PMM2: variants seen among roughly 807,000 people sequenced by gnomAD.
PMM2 encodes mannose-6-phosphate isomerase.
A neutral mutation model predicts 33.2 loss-of-function variants in PMM2; 35 were observed. That is an observed-to-expected ratio of 1.06 (90% CI 0.81 to 1.40). The LOEUF is 1.40. Ranked by LOEUF, PMM2 falls within the 40% of genes most tolerant of loss-of-function variation. PMM2 has a pLI of 0.00. For synonymous variants in PMM2, 153 were observed against 114.7 expected (o/e 1.33, Z -2.13); for missense variants, 386 against 306.0 (o/e 1.26, Z -1.95).
At chr16:8,807,487 G>GT (rs71152998) in intron 4 of PMM2, 130,591 of 152,128 alleles carry the variant, frequency 0.86, 57,032 homozygotes, top group East Asian at 0.97. Context: ...CTTTCTTTTT[G>GT]TTTTTTGTTT....
At chr16:8,826,280 G>C (rs1481184068) in intron 7 of PMM2, among the ~76,000 whole-genome samples, 1 of 151,962 alleles carries the variant, frequency 6.6e-6, no homozygotes, top group African/African-American at 2.4e-5. Context: ...CTCTAAATTA[G>C]AGAAGATTTT....
chr16:8,802,556 C>T (rs1238169476), intron 2 of PMM2, among the ~76,000 whole-genome samples: 2 of 152,138 alleles, frequency 1.3e-5, no homozygotes, highest in African/African-American at 2.4e-5. Context: ...ATGCCAGGCG[C>T]GGTGGCTCAC....
chr16:8,804,253 C>G (rs1220557847), intron 2 of PMM2, among the ~76,000 whole-genome samples: 1 of 151,636 alleles, frequency 6.6e-6, no homozygotes, highest in East Asian at 1.9e-4. Context: ...GTTGGCCAGG[C>G]TGGTCTGGAA....
At chr16:8,836,195 G>A (rs2060845413) in intron 7 of PMM2, among the ~76,000 whole-genome samples, 1 of 151,940 alleles carries the variant, frequency 6.6e-6, no homozygotes, top group Admixed American at 6.6e-5. Flanking sequence ...AGAAGGGGAT[G>A]GACTTACCCT....
At chr16:8,822,580 C>G (rs956499693) in intron 7 of PMM2, among the ~76,000 whole-genome samples, 1 of 152,176 alleles carries the variant, frequency 6.6e-6, no homozygotes, top group Non-Finnish European at 1.5e-5. Flanking sequence ...ATTTAGGTCA[C>G]CATCATAATT....
intron 7 of PMM2, among the ~76,000 whole-genome samples, chr16:8,830,834 C>T (rs1453352913): frequency 6.6e-6 from 1 of 152,322 alleles, no homozygotes; most frequent in Non-Finnish European, 1.5e-5. Context: ...AGCTGTTATC[C>T]TTTGTTTCAA....
chr16:8,817,003 C>G (rs2060711923), intron 7 of PMM2, among the ~76,000 whole-genome samples: 2 of 152,154 alleles, frequency 1.3e-5, no homozygotes, highest in African/African-American at 4.8e-5. Context: ...AGGCTGTACT[C>G]CAACTCCTGA....
At chr16:8,838,594 T>C (rs940694310) in intron 7 of PMM2, among the ~76,000 whole-genome samples, 9 of 151,684 alleles carry the variant, frequency 5.9e-5, no homozygotes, top group African/African-American at 1.7e-4. Flanking sequence ...AGGGGTGATA[T>C]TGTGGGGATG....
intron 7 of PMM2, among the ~76,000 whole-genome samples, chr16:8,828,181 A>G (rs4985045): frequency 0.9 from 135,264 of 150,936 alleles, 60,978 homozygotes; most frequent in East Asian, 0.97. Context: ...ACTTAACTAC[A>G]GAAGTATAAG....
At position 8,847,777 on chromosome 16, in the gene PMM2, GA is replaced by G. The variant is rs2060937540; in HGVS notation, c.694del (p.Thr232GlnfsTer101). On this transcript the variant is annotated frameshift_variant, in exon 8 of 8. Coordinates refer to ENST00000268261, the MANE Select transcript of PMM2 (RefSeq NM_000303.3). LOFTEE classifies it high-confidence loss of function. ...ACCCCAGAACCATGGGCTACTCCGTGACAGCGCCTGAGGACACGCGCAGGAT... is the reference window on the plus strand; with the variant it reads ...ACCCCAGAACCATGGGCTACTCCGTGCAGCGCCTGAGGACACGCGCAGGAT... ...TDPRTMGYSV[T>X]APEDTRRICE... is the part of the protein sequence containing the mutation. The G allele has an allele frequency of 6.2e-7, 1 of 1,613,964 alleles. No individual in the cohort carries two copies. Among genetic ancestry groups the G allele is most frequent in the African/African-American group, 1.3e-5 (1 of 74,936 alleles).
Position 8,813,125 on chromosome 16 carries a change from G to A in PMM2, c.639+19G>A, listed in dbSNP as rs145473288. On this transcript the variant is annotated intron_variant, in intron 7 of 7. Transcript: ENST00000268261. ...TATGCCAGTAAGTAGAGAAGTGTTT[G>A]TGCACCTTCATTGTTGCATTTGCGC... 2.1e-6 allele frequency: 3 copies of A among 1,428,056 alleles called. No individual in the cohort carries two copies. The highest frequency in any genetic ancestry group is 1.7e-4 in the Middle Eastern group (1 of 5,736). 88.5% of individuals were successfully genotyped at this position (1,428,056 alleles called of 1,614,324 possible).
At position 8,847,768 on chromosome 16, in the gene PMM2, C is replaced by G; in HGVS notation, c.684C>G (p.Gly228=). ...TCTTCACAGACCCCAGAACCATGGGCTACTCCGTGACAGCGCCTGAGGACA... is the reference window on the plus strand; with the variant it reads ...TCTTCACAGACCCCAGAACCATGGGGTACTCCGTGACAGCGCCTGAGGACA... ...HEIFTDPRTM[G]YSVTAPEDTR... The change falls in exon 8 of 8, where the codon GGC becomes GGG. Residue 228 remains glycine (G), a synonymous_variant. Transcript: ENST00000268261. 6.2e-7 allele frequency: 1 copy of G among 1,614,064 alleles called. No homozygotes were observed. The highest frequency in any genetic ancestry group is 1.1e-5 in the South Asian group (1 of 91,086).
chr16:8,845,875 G>A (rs746281360), intron 7 of PMM2, among the ~76,000 whole-genome samples: 12 of 150,772 alleles, frequency 8.0e-5, no homozygotes, highest in African/African-American at 1.5e-4. Context: ...TCAGCTACTC[G>A]AGAGGCTGAG....
At chr16:8,818,060 C>T (rs571700999) in intron 7 of PMM2, among the ~76,000 whole-genome samples, 43 of 152,154 alleles carry the variant, frequency 2.8e-4, no homozygotes, top group South Asian at 1.5e-3. Flanking sequence ...CCCACCACCA[C>T]GCCCGGCTAA....
chr16:8,812,995 C>G lies in PMM2; in HGVS notation c.528C>G (p.Gly176=), dbSNP rs760221434. Residue 176 remains glycine, a synonymous_variant, in exon 7 of 8, where the codon GGC becomes GGG. Coordinates refer to ENST00000268261, the MANE Select transcript of PMM2 (RefSeq NM_000303.3). ...AGKGLTFSIG[G]QISFDVFPDG... ...TGCCCCGTCCCCACCCGGCAGGAGG[C>G]CAGATCAGCTTTGATGTCTTTCCTG... The G allele has an allele frequency of 1.9e-6, 3 of 1,598,684 alleles. No homozygotes were observed. The highest frequency in any genetic ancestry group is 2.2e-5 in the South Asian group (2 of 90,810).
chr16:8,818,129 C>T (rs768806868), intron 7 of PMM2, among the ~76,000 whole-genome samples: 3 of 152,138 alleles, frequency 2.0e-5, no homozygotes, highest in Non-Finnish European at 4.4e-5. Context: ...GTCATGATCT[C>T]CTGACCTCGT....
intron 7 of PMM2, among the ~76,000 whole-genome samples, chr16:8,823,144 A>C (rs939453281): frequency 2.6e-5 from 4 of 152,184 alleles, no homozygotes; most frequent in African/African-American, 4.8e-5. Context: ...CATTATCAAG[A>C]GATGGCACTG....
At position 8,801,885 on chromosome 16, in the gene PMM2, A is replaced by G. The variant is rs1361800255; in HGVS notation, c.153A>G (p.Lys51=). 1 of 1,610,638 alleles carries G rather than the reference A, an allele frequency of 6.2e-7. No individual in the cohort carries two copies. The highest frequency in any genetic ancestry group is 1.3e-5 in the African/African-American group (1 of 74,804). Residue 51 remains lysine (K), a synonymous_variant, in exon 2 of 8, where the codon AAA becomes AAG. Transcript: ENST00000268261. Reference sequence around the variant, plus strand: ...TGGTAGGCGGATCGGACTTTGAGAAAGTGCAGGAGCAACTGGGAAATGATG... The same window carrying G: ...TGGTAGGCGGATCGGACTTTGAGAAGGTGCAGGAGCAACTGGGAAATGATG... ...IGVVGGSDFE[K]VQEQLGNDVV... is the part of the protein sequence containing the mutation.
chr16:8,803,364 C>T (rs2060626824), intron 2 of PMM2, among the ~76,000 whole-genome samples: 1 of 152,188 alleles, frequency 6.6e-6, no homozygotes, highest in Admixed American at 6.5e-5. Flanking sequence ...CTCATGATCG[C>T]CCTTTCTGCA....
Sources: allele counts gnomAD v4.1 joint callset (sites outside exome capture counted in the v4.1 genomes callset), GRCh38; gene constraint gnomAD v4.1.1; transcripts MANE v1.5; gene names NCBI Gene and HGNC (gene_info 2026-07-23, HGNC 2026-07-21).